ZC3H12B: variants seen among roughly 807,000 people sequenced by gnomAD.
ZC3H12B encodes the protein zinc finger CCCH-type containing 12B.
In ZC3H12B, 7 loss-of-function variants were observed where a neutral mutation model predicts 43.9. That is an observed-to-expected ratio of 0.16 (90% confidence interval 0.09 to 0.30). ZC3H12B has a LOEUF of 0.30. Among genes scored for constraint, ZC3H12B ranks in the 10% least tolerant of loss-of-function variants. The pLI, the probability that ZC3H12B is intolerant of heterozygous loss-of-function variation, is 1.00. For synonymous variants in ZC3H12B, 222 were observed against 241.7 expected (o/e 0.92, Z 0.76); for missense variants, 475 against 670.2 (o/e 0.71, Z 3.22).
intron 3 of ZC3H12B, among the ~76,000 whole-genome samples, chrX:65,435,347 A>G (rs1017081485): frequency 1.1e-4 from 12 of 111,909 alleles, no homozygotes; most frequent in African/African-American, 3.9e-4. Flanking sequence ...CAAATACTTG[A>G]AAGTATCATA....
the ZC3H12B span, among the ~76,000 whole-genome samples, chrX:65,307,998 C>T: frequency 9.0e-6 from 1 of 111,177 alleles, no homozygotes; most frequent in Admixed American, 9.6e-5. Context: ...AAATATTCTT[C>T]AAAAACAAAT....
chrX:65,168,485 G>T, the ZC3H12B span, among the ~76,000 whole-genome samples: 1 of 110,753 alleles, frequency 9.0e-6, no homozygotes, highest in South Asian at 3.8e-4. Context: ...AGGGATATTG[G>T]TCTAAAATTC....
the ZC3H12B span, among the ~76,000 whole-genome samples, chrX:65,176,340 A>G: frequency 8.9e-6 from 1 of 111,789 alleles, no homozygotes; most frequent in Non-Finnish European, 1.9e-5. Context: ...GCCTCTCTAG[A>G]TTCCTCCTCT....
At chrX:65,158,737 A>G in the ZC3H12B span, among the ~76,000 whole-genome samples, 4 of 111,436 alleles carry the variant, frequency 3.6e-5, no homozygotes, top group South Asian at 3.7e-4. Flanking sequence ...GTTCACTCTG[A>G]TGGTAGTTTC....
the ZC3H12B span, among the ~76,000 whole-genome samples, chrX:65,311,652 C>G: frequency 1.8e-5 from 2 of 111,220 alleles, no homozygotes; most frequent in Non-Finnish European, 3.8e-5. Flanking sequence ...GTATATATAC[C>G]CAAAGGATTA....
At chrX:65,463,498 G>T (rs1377680626) in intron 3 of ZC3H12B, among the ~76,000 whole-genome samples, 1 of 111,226 alleles carries the variant, frequency 9.0e-6, no homozygotes, top group Non-Finnish European at 1.9e-5. Context: ...TAACAAACTC[G>T]GTCAATAGAA....
the ZC3H12B span, chrX:65,328,417 G>GT: frequency 8.0e-6 from 2 of 250,110 alleles, no homozygotes; most frequent in Non-Finnish European, 1.6e-5. Context: ...TAAAAGAGCT[G>GT]TTTTTGCTGG....
At chrX:65,492,071 C>T (rs2068212748) in intron 1 of ZC3H12B, among the ~76,000 whole-genome samples, 1 of 110,969 alleles carries the variant, frequency 9.0e-6, no homozygotes, top group Admixed American at 9.6e-5. Flanking sequence ...TGTCACCAAA[C>T]CAGACCACCC....
Position 65,456,897 on chromosome X carries a change from C to A in ZC3H12B, n.408-31749C>A, listed in dbSNP as rs1232474304. On this transcript the variant is annotated intron_variant and non_coding_transcript_variant, in intron 3 of 5. Coordinates refer to the ZC3H12B transcript ENST00000617377. ...GGAAGTGAGGAGCGTCTCTGCCTGG[C>A]CGCCCATCGTCTGGGATATGAGGAG... Among the ~76,000 whole-genome samples the A allele has an allele frequency of 3.7e-5, 4 of 108,666 alleles. No homozygotes were observed. The East Asian group carries it at 1.2e-3, about 33-fold the overall frequency. 94.4% of individuals were successfully genotyped at this position (108,666 alleles called of 115,157 possible).
At chrX:65,192,155 G>C in the ZC3H12B span, among the ~76,000 whole-genome samples, 3 of 109,046 alleles carry the variant, frequency 2.8e-5, no homozygotes, top group Non-Finnish European at 3.8e-5. Context: ...ATTACACTGT[G>C]GTCTGAGAGA....
the ZC3H12B span, among the ~76,000 whole-genome samples, chrX:65,093,751 A>C: frequency 8.9e-6 from 1 of 111,979 alleles, no homozygotes; most frequent in East Asian, 2.8e-4. Flanking sequence ...TTGATTTTAC[A>C]GACTCCTAGG....
At chrX:65,172,760 C>A in the ZC3H12B span, among the ~76,000 whole-genome samples, 1 of 111,495 alleles carries the variant, frequency 9.0e-6, no homozygotes, top group Non-Finnish European at 1.9e-5. Context: ...TATCTGAGTC[C>A]TCTGTTCTGT....
chrX:65,241,519 A>T, the ZC3H12B span, among the ~76,000 whole-genome samples: 4 of 111,890 alleles, frequency 3.6e-5, no homozygotes, highest in South Asian at 1.5e-3. Flanking sequence ...GAGTTGCTGA[A>T]ATTCCCACAG....
At chrX:65,131,857 G>A in the ZC3H12B span, among the ~76,000 whole-genome samples, 1 of 111,737 alleles carries the variant, frequency 8.9e-6, no homozygotes, top group Non-Finnish European at 1.9e-5. Context: ...GAGAATAAAT[G>A]TTGAAGGAGC....
chrX:65,353,432 C>A, the ZC3H12B span, among the ~76,000 whole-genome samples: 1 of 111,718 alleles, frequency 9.0e-6, no homozygotes, highest in African/African-American at 3.3e-5. Flanking sequence ...ACGTCTCTAA[C>A]CTTAGAACAA....
At chrX:65,500,077 A>G (rs1464459915) in intron 4 of ZC3H12B, 88 bp downstream of exon 9, 1 of 736,216 alleles carries the variant, frequency 1.4e-6, no homozygotes, top group Non-Finnish European at 2.1e-6. Flanking sequence ...TTCCCTTTCA[A>G]ATGGGAAATC....
chrX:65,401,233 C>T lies in ZC3H12B; in HGVS notation n.407+2529C>T, dbSNP rs768566376. Reference sequence around the variant, plus strand: ...GCCACCCCTTCCGCACCCTTGGCAGCAGCAGTGTGGTACAGAGAGCTTCTT... The same window carrying T: ...GCCACCCCTTCCGCACCCTTGGCAGTAGCAGTGTGGTACAGAGAGCTTCTT... On this transcript the variant is annotated intron_variant and non_coding_transcript_variant, in intron 3 of 5. Transcript: ENST00000617377. Among the ~76,000 whole-genome samples the T allele has an allele frequency of 2.6e-4, 29 of 111,728 alleles. No homozygotes were observed. In the South Asian group the frequency reaches 0.011, roughly 41 times the overall value.
chrX:65,214,191 G>C, the ZC3H12B span, among the ~76,000 whole-genome samples: 1 of 110,824 alleles, frequency 9.0e-6, no homozygotes, highest in Non-Finnish European at 1.9e-5. Context: ...GACTGATAAG[G>C]GTGGCGGTTG....
chrX:65,094,976 T>G, the ZC3H12B span, among the ~76,000 whole-genome samples: 1 of 111,842 alleles, frequency 8.9e-6, no homozygotes, highest in Non-Finnish European at 1.9e-5. Context: ...TTGCAGGCAT[T>G]TTTTTCTCAA....
Sources: gnomAD v4.1 joint callset for allele counts (sites outside exome capture counted in the v4.1 genomes callset) on GRCh38, gnomAD v4.1.1 for gene constraint, MANE v1.5 for transcripts, NCBI Gene and HGNC (gene_info 2026-07-23, HGNC 2026-07-21) for gene names.